NEDD4L: variants seen among roughly 807,000 people sequenced by gnomAD.
The protein encoded by NEDD4L is E3 ubiquitin-protein ligase NEDD4-like.
A neutral mutation model predicts 148.9 loss-of-function variants in NEDD4L; 54 were observed. That is an observed-to-expected ratio of 0.36 (90% CI 0.29 to 0.45). The LOEUF (loss-of-function observed/expected upper bound fraction) is 0.45, where lower values mean the gene tolerates loss of function less well. Among genes scored for constraint, NEDD4L ranks in the 20% least tolerant of loss-of-function variants. NEDD4L has a pLI of 1.00. For missense variants in NEDD4L, 856 were observed against 1,233.8 expected (o/e 0.69, Z 4.59); for synonymous variants, 433 against 440.7 (o/e 0.98, Z 0.22).
Position 58,396,181 on chromosome 18 carries a change from A to T in NEDD4L, c.2840A>T (p.Asp947Val). 6.2e-7 allele frequency: 1 copy of T among 1,612,972 alleles called. No homozygotes were observed. The highest frequency in any genetic ancestry group is 8.5e-7 in the Non-Finnish European group (1 of 1,179,228). ...TCCTTTTGCAGCTTTAATCGCCTTGACTTACCTCCATATGAAACCTTTGAA... is the reference window on the plus strand; with the variant it reads ...TCCTTTTGCAGCTTTAATCGCCTTGTCTTACCTCCATATGAAACCTTTGAA... ...PRAHTCFNRLDLPPYETFEDL... is the reference protein window; with the variant it reads ...PRAHTCFNRLVLPPYETFEDL... The change falls in exon 31 of 31, where the codon GAC (aspartate) becomes GTC (valine). Residue 947 changes from aspartate to valine, a missense_variant. By Grantham distance (152) the Asp-to-Val change is radical. This residue lies in a region of NEDD4L where 286 missense variants were observed against 531.8 expected (regional missense o/e 0.54). Transcript: ENST00000400345.
intron 1 of NEDD4L, among the ~76,000 whole-genome samples, chr18:58,057,231 A>G (rs1246252771): frequency 7.0e-6 from 1 of 143,054 alleles, no homozygotes; most frequent in Non-Finnish European, 1.5e-5. Flanking sequence ...ATTTCTGGGT[A>G]ATATTACACC....
chr18:58,166,914 C>T (rs1758763175), intron 2 of NEDD4L, among the ~76,000 whole-genome samples: 1 of 152,184 alleles, frequency 6.6e-6, no homozygotes. Flanking sequence ...CCATCCCGCA[C>T]ACCCCCACAG....
intron 5 of NEDD4L, among the ~76,000 whole-genome samples, chr18:58,305,066 C>T (rs921803812): frequency 3.3e-5 from 5 of 152,222 alleles, no homozygotes; most frequent in Admixed American, 6.5e-5. Flanking sequence ...GCACCATCTT[C>T]TGCATCCCAT....
chr18:58,078,835 A>AG (rs2083297590), intron 1 of NEDD4L, among the ~76,000 whole-genome samples: 1 of 152,116 alleles, frequency 6.6e-6, no homozygotes. Context: ...GGTTGATTTC[A>AG]GGGACCTGAT....
At chr18:58,287,849 A>G (rs2054163590) in intron 5 of NEDD4L, among the ~76,000 whole-genome samples, 1 of 152,132 alleles carries the variant, frequency 6.6e-6, no homozygotes, top group Non-Finnish European at 1.5e-5. Flanking sequence ...AGCAGAGTCC[A>G]TTTGCTTTTT....
intron 5 of NEDD4L, among the ~76,000 whole-genome samples, chr18:58,279,656 G>A (rs768818100): frequency 5.9e-5 from 9 of 152,218 alleles, no homozygotes; most frequent in African/African-American, 9.6e-5. Context: ...TTTGTAAGCC[G>A]TCTGAGAGCT....
At chr18:58,158,409 C>T (rs1047703006) in intron 1 of NEDD4L, among the ~76,000 whole-genome samples, 5 of 152,174 alleles carry the variant, frequency 3.3e-5, no homozygotes, top group African/African-American at 1.2e-4. Context: ...AAAGAAATAT[C>T]GAGAATTTGT....
chr18:58,196,596 A>G (rs1042873531), intron 2 of NEDD4L, among the ~76,000 whole-genome samples: 7 of 152,170 alleles, frequency 4.6e-5, no homozygotes, highest in Admixed American at 4.6e-4. Context: ...TCTAAGTTAA[A>G]GACTACCCAT....
At chr18:58,103,272 A>ATATTATATATAATATATATAATTATAT (rs112285345) in intron 1 of NEDD4L, among the ~76,000 whole-genome samples, 17 of 136,372 alleles carry the variant, frequency 1.2e-4, no homozygotes, top group African/African-American at 5.4e-4. Flanking sequence ...TATATATTAT[A>ATATTATATATAATATATATAATTATAT]ATTATATATA....
chr18:58,250,118 G>A (rs1209911921), intron 4 of NEDD4L, among the ~76,000 whole-genome samples: 1 of 152,006 alleles, frequency 6.6e-6, no homozygotes, highest in Non-Finnish European at 1.5e-5. Context: ...ATTTTTGTTA[G>A]TTTTTCTGAA....
chr18:58,048,046 T>C (rs1356558419), intron 1 of NEDD4L, among the ~76,000 whole-genome samples: 2 of 152,222 alleles, frequency 1.3e-5, no homozygotes, highest in Non-Finnish European at 2.9e-5. Flanking sequence ...CAGGCTGACA[T>C]AGGATAAATG....
chr18:58,108,681 A>G (rs566087), intron 1 of NEDD4L, among the ~76,000 whole-genome samples: 10,788 of 152,246 alleles, frequency 0.071, 489 homozygotes, highest in African/African-American at 0.12. Context: ...TCGGCCCCCC[A>G]AAGTGTTGCG....
chr18:58,123,682 C>T (rs1165419140), intron 1 of NEDD4L, among the ~76,000 whole-genome samples: 1 of 152,166 alleles, frequency 6.6e-6, no homozygotes, highest in African/African-American at 2.4e-5. Context: ...AGAGAAAACT[C>T]TTTCATACCT....
rs2048579546 is a variant in NEDD4L at position 58,383,275 on chromosome 18, G to C, written c.2382G>C (p.Gly794=). ...QTYQVDLKPN[G]SEIMVTNENK... is the part of the protein sequence containing the mutation. Reference sequence around the variant, plus strand: ...ATCAAGTGGATTTGAAGCCCAATGGGTCAGAAATAATGGTCACAAATGAAA... The same window carrying C: ...ATCAAGTGGATTTGAAGCCCAATGGCTCAGAAATAATGGTCACAAATGAAA... Residue 794 remains glycine, a synonymous_variant, in exon 25 of 31, where the codon GGG becomes GGC. Transcript: ENST00000400345. 1 of 1,542,748 alleles carries C rather than the reference G, an allele frequency of 6.5e-7. No individual in the cohort carries two copies. The highest frequency in any genetic ancestry group is 8.8e-7 in the Non-Finnish European group (1 of 1,137,806).
intron 5 of NEDD4L, among the ~76,000 whole-genome samples, chr18:58,314,075 C>CT (rs959128644): frequency 6.6e-6 from 1 of 151,996 alleles, no homozygotes; most frequent in Non-Finnish European, 1.5e-5. Context: ...CAGTGAATTT[C>CT]TTTTTTTTAT....
intron 5 of NEDD4L, among the ~76,000 whole-genome samples, chr18:58,257,571 TAG>T (rs2048771672): frequency 6.6e-6 from 1 of 152,140 alleles, no homozygotes; most frequent in South Asian, 2.1e-4. Flanking sequence ...ATGCTGTATA[TAG>T]AATAGTAAGT....
At chr18:58,063,449 T>G (rs575162580) in intron 1 of NEDD4L, among the ~76,000 whole-genome samples, 1 of 152,320 alleles carries the variant, frequency 6.6e-6, no homozygotes, top group South Asian at 2.1e-4. Flanking sequence ...ACTATTACTG[T>G]TACTCAATGC....
chr18:58,365,197 C>A (rs932024809), intron 20 of NEDD4L, among the ~76,000 whole-genome samples: 1 of 152,174 alleles, frequency 6.6e-6, no homozygotes, highest in Non-Finnish European at 1.5e-5. Flanking sequence ...CAAGAGCTTG[C>A]GGGTAACTGC....
chr18:58,153,203 A>T (rs1442568525), intron 1 of NEDD4L, among the ~76,000 whole-genome samples: 6 of 88,578 alleles, frequency 6.8e-5, no homozygotes, highest in South Asian at 4.5e-4. Flanking sequence ...TTTTTTTTTA[A>T]AAAAATGACT....
Sources: allele counts gnomAD v4.1 joint callset (sites outside exome capture counted in the v4.1 genomes callset), GRCh38; gene constraint gnomAD v4.1.1; regional missense constraint gnomAD v4.1.1; transcripts MANE v1.5; gene names NCBI Gene and HGNC (gene_info 2026-07-23, HGNC 2026-07-21).